RALGAPB: variants seen among roughly 807,000 people sequenced by gnomAD.
RALGAPB encodes ral GTPase-activating protein subunit beta.
A neutral mutation model predicts 161.1 loss-of-function variants in RALGAPB; 25 were observed. That is an observed-to-expected ratio of 0.16 (90% CI 0.11 to 0.22). The LOEUF (loss-of-function observed/expected upper bound fraction) is 0.22, where lower values mean the gene tolerates loss of function less well. RALGAPB is among the 10% of genes least tolerant of loss of function. The probability of loss-of-function intolerance (pLI) is 1.00; values close to 1 mark genes in which losing one functional copy is unlikely to be tolerated. For missense variants in RALGAPB, 1,391 were observed against 1,815.2 expected (o/e 0.77, Z 4.25); for synonymous variants, 629 against 626.1 (o/e 1.00, Z -0.07).
Position 38,562,681 on chromosome 20 carries a change from T to G in RALGAPB, c.3681T>G (p.Gly1227=). The change falls in exon 24 of 30, where the codon GGT becomes GGG. Residue 1227 remains glycine, a synonymous_variant. Transcript: ENST00000262879. ...GGTCTATTAATTGTTGTGATGATGG[T>G]GAAGGATCTCAACAAGGTAAAACTC... is the stretch of plus-strand genomic sequence containing the variant. ...TSWSINCCDD[G]EGSQQEVISS... The G allele has an allele frequency of 6.2e-7, 1 of 1,610,006 alleles. No homozygotes were observed. The highest frequency in any genetic ancestry group is 1.7e-4 in the Middle Eastern group (1 of 6,046).
intron 1 of RALGAPB, among the ~76,000 whole-genome samples, chr20:38,480,349 G>A (rs1183482779): frequency 6.9e-6 from 1 of 143,902 alleles, no homozygotes; most frequent in African/African-American, 2.6e-5. Flanking sequence ...CCTGAAGCAA[G>A]TTTCCTTTCT....
At chr20:38,501,293 G>A (rs778015240) in intron 5 of RALGAPB, among the ~76,000 whole-genome samples, 3 of 152,150 alleles carry the variant, frequency 2.0e-5, no homozygotes, top group Non-Finnish European at 2.9e-5. Context: ...GCTTGCCTTG[G>A]CAGCCTATAT....
At chr20:38,491,245 C>G (rs1387182759) in intron 2 of RALGAPB, among the ~76,000 whole-genome samples, 4 of 152,052 alleles carry the variant, frequency 2.6e-5, no homozygotes, top group Non-Finnish European at 4.4e-5. Flanking sequence ...GCTGTTGAAG[C>G]CTTTTTGAAT....
In RALGAPB at chr20:38,497,347, C is replaced by T; in HGVS notation, c.390-6C>T. On this transcript the variant is annotated splice_polypyrimidine_tract_variant and splice_region_variant and intron_variant, in intron 3 of 29. Transcript: ENST00000262879. ...CTTGTCAGTGATATCTGTCTGTCTT[C>T]TTCAGACAGGAACAGGGTTCCAGTC... The T allele has an allele frequency of 2.5e-6, 4 of 1,612,908 alleles. No individual in the cohort carries two copies. Among genetic ancestry groups the T allele is most frequent in the Non-Finnish European group, 3.4e-6 (4 of 1,179,396 alleles).
chr20:38,539,909 A>T lies in RALGAPB; in HGVS notation c.2513A>T (p.Gln838Leu). 1 of 1,614,108 alleles carries T rather than the reference A, an allele frequency of 6.2e-7. No homozygotes were observed. The highest frequency in any genetic ancestry group is 1.1e-5 in the South Asian group (1 of 91,074). The change falls in exon 17 of 30, where the codon CAG (glutamine) becomes CTG (leucine). Residue 838 changes from glutamine (Q) to leucine (L), a missense_variant. Around this residue, in one of 3 missense-constraint regions of RALGAPB, gnomAD observed 946 missense variants for 1,257.2 expected, o/e 0.75. Transcript: ENST00000262879. ...DLHSMIVAAFQCLCVWLTEHP... is the reference protein window; with the variant it reads ...DLHSMIVAAFLCLCVWLTEHP... ...CACTCCATGATAGTGGCAGCTTTTC[A>T]GTGTCTCTGTGTCTGGCTGACAGAG...
intron 23 of RALGAPB, among the ~76,000 whole-genome samples, chr20:38,561,091 C>T (rs6026529): frequency 8.5e-5 from 13 of 152,158 alleles, no homozygotes; most frequent in African/African-American, 2.2e-4. Flanking sequence ...CTTGGGAGGC[C>T]GAGGCGCGCG....
intron 6 of RALGAPB, among the ~76,000 whole-genome samples, chr20:38,514,118 G>A (rs1324552628): frequency 6.6e-6 from 1 of 152,330 alleles, no homozygotes; most frequent in East Asian, 1.9e-4. Flanking sequence ...AAGAGATTAT[G>A]TGAAGATAGA....
chr20:38,575,776 A>C lies in RALGAPB; in HGVS notation c.*809A>C, dbSNP rs962661342. ...GCGGGGTGACATAATGACAGGTTAA[A>C]TATTTGTGATTCATTGATTAAATAT... is the stretch of plus-strand genomic sequence containing the variant. On this transcript the variant is annotated 3_prime_UTR_variant, in exon 30 of 30. Transcript: ENST00000262879. The C allele has an allele frequency of 2.6e-5, 4 of 152,358 alleles. No homozygotes were observed. Among genetic ancestry groups the C allele is most frequent in the Non-Finnish European group, 5.9e-5 (4 of 68,032 alleles). 9.4% of individuals were successfully genotyped at this position (152,358 alleles called of 1,614,324 possible).
chr20:38,493,846 A>C (rs2085341644), intron 3 of RALGAPB, among the ~76,000 whole-genome samples: 1 of 152,248 alleles, frequency 6.6e-6, no homozygotes, highest in African/African-American at 2.4e-5. Flanking sequence ...CATACCATGC[A>C]TGAAATGCCT....
rs932297860 is a variant in RALGAPB at position 38,570,077 on chromosome 20, A to C, written c.4063+81A>C. On this transcript the variant is annotated intron_variant, in intron 27 of 29. Coordinates refer to ENST00000262879, the MANE Select transcript of RALGAPB (RefSeq NM_020336.4). ...CTAAATGTCTACAGGGAGTGGGCAC[A>C]TAAGCCTGGTGTGGCCAGGAGCTAG... 4 of 1,197,942 alleles carry C rather than the reference A, an allele frequency of 3.3e-6. No individual in the cohort carries two copies. The East Asian group carries it at 9.6e-5, about 29-fold the overall frequency. 74.2% of individuals were successfully genotyped at this position (1,197,942 alleles called of 1,614,324 possible).
At chr20:38,483,851 G>A (rs958298726) in intron 1 of RALGAPB, among the ~76,000 whole-genome samples, 2 of 152,144 alleles carry the variant, frequency 1.3e-5, no homozygotes, top group Non-Finnish European at 2.9e-5. Context: ...TGTTGCTTTG[G>A]ATAGCCTAAG....
intron 20 of RALGAPB, among the ~76,000 whole-genome samples, chr20:38,550,843 A>G (rs1568967662): frequency 6.6e-6 from 1 of 152,200 alleles, no homozygotes; most frequent in Non-Finnish European, 1.5e-5. Flanking sequence ...CCCATTTGTC[A>G]GTCATTAGAT....
chr20:38,551,035 C>A, intron 20 of RALGAPB, 36 bp from the exon 21 acceptor site: 1 of 1,606,770 alleles, frequency 6.2e-7, no homozygotes, highest in Non-Finnish European at 8.5e-7. Context: ...GGTATTGGAC[C>A]CTGTGTAATA....
At chr20:38,554,212 T>G (rs2087496892) in intron 22 of RALGAPB, 136 bp downstream of exon 22, 2 of 817,900 alleles carry the variant, frequency 2.4e-6, no homozygotes, top group Admixed American at 2.9e-5. Context: ...TGCATACAAA[T>G]AAATGAAATT....
At chr20:38,479,801 C>T (rs1319483150) in intron 1 of RALGAPB, among the ~76,000 whole-genome samples, 1 of 152,166 alleles carries the variant, frequency 6.6e-6, no homozygotes, top group Non-Finnish European at 1.5e-5. Context: ...TTATATCTCA[C>T]TACAGTGCCT....
At chr20:38,572,539 C>T (rs902922190) in intron 28 of RALGAPB, among the ~76,000 whole-genome samples, 1 of 152,108 alleles carries the variant, frequency 6.6e-6, no homozygotes, top group Non-Finnish European at 1.5e-5. Context: ...ATTTTAAGTT[C>T]CTTTTAGTTA....
intron 1 of RALGAPB, among the ~76,000 whole-genome samples, chr20:38,483,510 A>ATCC: frequency 6.6e-6 from 1 of 152,300 alleles, no homozygotes; most frequent in South Asian, 2.1e-4. Context: ...TTAAAAATTG[A>ATCC]GCTGTTTTAT....
rs989368627 is a variant in RALGAPB at position 38,530,062 on chromosome 20, A to G, written c.2051-1105A>G. On this transcript the variant is annotated intron_variant, in intron 13 of 29. Coordinates refer to ENST00000262879, the MANE Select transcript of RALGAPB (RefSeq NM_020336.4). The stretch of plus-strand genomic sequence containing the variant: ...TCCAGCATCACTAGTGGCACTTCCT[A>G]TGGGTCCCATGGCGTTAGTCAAGGT... Among the ~76,000 whole-genome samples the G allele has an allele frequency of 5.9e-5, 9 of 152,246 alleles. No homozygotes were observed. In the East Asian group the frequency reaches 1.5e-3, roughly 26 times the overall value.
intron 5 of RALGAPB, among the ~76,000 whole-genome samples, chr20:38,502,126 A>C (rs2085614056): frequency 6.6e-6 from 1 of 152,222 alleles, no homozygotes; most frequent in Non-Finnish European, 1.5e-5. Context: ...TAACTCTGGT[A>C]CATACTGTAC....
Sources: gnomAD v4.1 joint callset for allele counts (sites outside exome capture counted in the v4.1 genomes callset) on GRCh38, gnomAD v4.1.1 for gene constraint, gnomAD v4.1.1 regional missense constraint, MANE v1.5 for transcripts, NCBI Gene and HGNC (gene_info 2026-07-23, HGNC 2026-07-21) for gene names.